The following NTRK3 variants were observed in gnomAD, a reference collection of about 807,000 sequenced individuals.
NTRK3 encodes NT-3 growth factor receptor.
A neutral mutation model predicts 91.7 loss-of-function variants in NTRK3; 24 were observed. The observed-to-expected ratio is 0.26, with a 90% CI of 0.19 to 0.37. NTRK3 has a LOEUF of 0.37. Ranked by LOEUF, NTRK3 falls within the 10% of genes least tolerant of loss-of-function variation. NTRK3 has a pLI of 1.00. For missense variants in NTRK3, 880 were observed against 1,068.9 expected (o/e 0.82, Z 2.46); for synonymous variants, 483 against 404.0 (o/e 1.20, Z -2.34).
intron 13 of NTRK3, among the ~76,000 whole-genome samples, chr15:88,053,538 G>A (rs1447344318): frequency 6.6e-6 from 1 of 152,194 alleles, no homozygotes; most frequent in Non-Finnish European, 1.5e-5. Context: ...CATACAGTGA[G>A]GCCATAGGTA....
intron 15 of NTRK3, among the ~76,000 whole-genome samples, chr15:87,939,494 C>T (rs1216429799): frequency 6.6e-6 from 1 of 152,178 alleles, no homozygotes; most frequent in South Asian, 2.1e-4. Context: ...CACTGTATTG[C>T]CTTCATTCTT....
At chr15:88,136,658 C>CA (rs2041906839) in intron 7 of NTRK3, 49 bp from the exon 8 acceptor site, 3 of 1,591,032 alleles carry the variant, frequency 1.9e-6, no homozygotes, top group Non-Finnish European at 2.6e-6. Flanking sequence ...ACTTACTACC[C>CA]AAAGGAAGCT....
chr15:88,094,705 G>T (rs1163593708), intron 13 of NTRK3, among the ~76,000 whole-genome samples: 1 of 152,088 alleles, frequency 6.6e-6, no homozygotes, highest in African/African-American at 2.4e-5. Flanking sequence ...ATGGCCTGGG[G>T]ACCATCTGAT....
At chr15:88,087,697 G>A (rs2048632052) in intron 13 of NTRK3, among the ~76,000 whole-genome samples, 4 of 152,188 alleles carry the variant, frequency 2.6e-5, no homozygotes, top group South Asian at 2.1e-4. Flanking sequence ...TCACCATCTC[G>A]ACAGTGGTGG....
chr15:88,214,569 C>A (rs893741777), intron 3 of NTRK3, among the ~76,000 whole-genome samples: 1 of 151,392 alleles, frequency 6.6e-6, no homozygotes, highest in Admixed American at 6.6e-5. Flanking sequence ...TACAAGGACA[C>A]TACTGAACCT....
At chr15:87,934,947 T>A (rs1229177940) in intron 15 of NTRK3, among the ~76,000 whole-genome samples, 1 of 152,188 alleles carries the variant, frequency 6.6e-6, no homozygotes. Flanking sequence ...ATAAAAATAC[T>A]GCTTGATTAA....
Position 88,235,057 on chromosome 15 carries a change from G to A in NTRK3, c.248+20849C>T, listed in dbSNP as rs768563566. ...CAATCCATTCTCCGAGAGCCCAGAC[G>A]CCCTACCCTTACACAAAGGCAGCCT... On this transcript the variant is annotated intron_variant, in intron 3 of 18. Transcript: ENST00000394480. The surrounding 1 kb of genome is among the most constrained non-coding windows in gnomAD (Gnocchi z 5.2). 3.3e-5 allele frequency among the ~76,000 whole-genome samples: 5 copies of A among 152,234 alleles called. No homozygotes were observed. The highest frequency in any genetic ancestry group is 9.6e-5 in the African/African-American group (4 of 41,556).
At chr15:87,980,387 ATGTG>A (rs1385190667) in intron 14 of NTRK3, among the ~76,000 whole-genome samples, 1 of 151,552 alleles carries the variant, frequency 6.6e-6, no homozygotes, top group African/African-American at 2.4e-5. Context: ...ATCTGTTTGC[ATGTG>A]TGTTTGCATG....
At chr15:87,888,233 T>A (rs1002565612) in intron 17 of NTRK3, among the ~76,000 whole-genome samples, 2 of 152,088 alleles carry the variant, frequency 1.3e-5, no homozygotes, top group Non-Finnish European at 2.9e-5. Flanking sequence ...AAGAATGCAA[T>A]CCTGGTTGCA....
At chr15:87,988,739 T>G (rs1041359185) in intron 14 of NTRK3, among the ~76,000 whole-genome samples, 2 of 152,140 alleles carry the variant, frequency 1.3e-5, no homozygotes, top group Non-Finnish European at 2.9e-5. Context: ...ATGAATACCC[T>G]TTGATGTTCT....
At chr15:87,883,204 T>TG (rs2065347468) in intron 17 of NTRK3, among the ~76,000 whole-genome samples, 1 of 150,162 alleles carries the variant, frequency 6.7e-6, no homozygotes, top group Non-Finnish European at 1.5e-5. Context: ...CATATATATG[T>TG]GAAAAAAAGG....
intron 13 of NTRK3, among the ~76,000 whole-genome samples, chr15:88,082,175 G>A (rs1471113550): frequency 6.6e-6 from 1 of 152,028 alleles, no homozygotes; most frequent in African/African-American, 2.4e-5. Flanking sequence ...CTACTTGGGA[G>A]GCTGAGGCAG....
In NTRK3 at chr15:88,027,671, C is replaced by T. The variant is rs1006877372; in HGVS notation, c.1585+5186G>A. On this transcript the variant is annotated intron_variant, in intron 14 of 18. Transcript: ENST00000394480. ...TGCTGGGATTACAGGCGTGAGCCACCGTGCCTGGCCCCTCTCTGAGTTTCT... is the reference window on the plus strand; with the variant it reads ...TGCTGGGATTACAGGCGTGAGCCACTGTGCCTGGCCCCTCTCTGAGTTTCT... Among the ~76,000 whole-genome samples, 11 of 152,300 alleles carry T rather than the reference C, an allele frequency of 7.2e-5. No homozygotes were observed. The East Asian group carries it at 1.9e-3, about 27-fold the overall frequency.
chr15:87,861,049 G>A (rs1257907582), exon 19 of NTRK3: 1 of 226,048 alleles, frequency 4.4e-6, no homozygotes, highest in African/African-American at 2.2e-5. Context: ...CTTGGCCTCA[G>A]AACAGGTGTG....
At chr15:87,880,214 G>T (rs943554686) in intron 18 of NTRK3, 56 bp downstream of exon 19, 4 of 1,609,108 alleles carry the variant, frequency 2.5e-6, no homozygotes, top group Non-Finnish European at 2.6e-6. Flanking sequence ...GTTCTGGGCT[G>T]AGATAGCTCT....
intron 3 of NTRK3, among the ~76,000 whole-genome samples, 177 bp from the exon 4 acceptor site, chr15:88,184,476 G>A (rs562500100): frequency 6.6e-5 from 10 of 152,326 alleles, no homozygotes; most frequent in Non-Finnish European, 8.8e-5. Context: ...GGTTCACACC[G>A]TCTGCCTGAT....
chr15:87,920,286 C>T (rs1052462090), intron 17 of NTRK3, among the ~76,000 whole-genome samples: 1 of 152,218 alleles, frequency 6.6e-6, no homozygotes, highest in Admixed American at 6.5e-5. Context: ...TGTTCATTCC[C>T]TCAGCAGCTC....
At chr15:88,017,441 G>T (rs1325285590) in intron 14 of NTRK3, among the ~76,000 whole-genome samples, 1 of 152,184 alleles carries the variant, frequency 6.6e-6, no homozygotes, top group Non-Finnish European at 1.5e-5. Flanking sequence ...GCAGCTCCAG[G>T]AAAAGTGAAA....
chr15:88,089,332 T>C (rs2048797510), intron 13 of NTRK3, among the ~76,000 whole-genome samples: 1 of 152,150 alleles, frequency 6.6e-6, no homozygotes, highest in Non-Finnish European at 1.5e-5. Context: ...AACCCAACCA[T>C]TCCATTTCTA....
Sources: gnomAD v4.1 joint callset for allele counts (sites outside exome capture counted in the v4.1 genomes callset) on GRCh38, gnomAD v4.1.1 for gene constraint, Gnocchi (gnomAD v3.1) non-coding constraint, MANE v1.5 for transcripts, NCBI Gene and HGNC (gene_info 2026-07-23, HGNC 2026-07-21) for gene names.